Variants in CCDC33 observed in about 807,000 individuals in gnomAD.
CCDC33 encodes the protein coiled-coil domain-containing protein 33.
A neutral mutation model predicts 91.9 loss-of-function variants in CCDC33; 94 were observed. The ratio of observed to expected loss-of-function variants is 1.02; its 90% CI spans 0.87 to 1.21. The LOEUF is 1.21. Ranked by LOEUF, CCDC33 falls within the 50% of genes most tolerant of loss-of-function variation. The pLI is 0.00. For missense variants in CCDC33, 940 were observed against 935.5 expected (o/e 1.00, Z -0.06); for synonymous variants, 396 against 374.5 (o/e 1.06, Z -0.66).
intron 1 of CCDC33, among the ~76,000 whole-genome samples, chr15:74,204,320 G>C (rs185459618): frequency 6.6e-6 from 1 of 152,346 alleles, no homozygotes; most frequent in African/African-American, 2.4e-5. Flanking sequence ...CTGGCCCTTG[G>C]GTAAGAGGGA....
At chr15:74,228,082 A>G (rs2074856550) in intron 2 of CCDC33, among the ~76,000 whole-genome samples, 1 of 152,158 alleles carries the variant, frequency 6.6e-6, no homozygotes, top group Non-Finnish European at 1.5e-5. Context: ...CCCTGATTCT[A>G]TGCCAGGCCT....
At chr15:74,254,092 G>A (rs572498859) in intron 2 of CCDC33, among the ~76,000 whole-genome samples, 72 of 152,102 alleles carry the variant, frequency 4.7e-4, no homozygotes, top group African/African-American at 1.6e-3. Context: ...GAGTGCAGTG[G>A]TGTGATCTCA....
chr15:74,227,039 T>G (rs949296080), intron 2 of CCDC33, among the ~76,000 whole-genome samples: 1 of 152,124 alleles, frequency 6.6e-6, no homozygotes, highest in Non-Finnish European at 1.5e-5. Flanking sequence ...GAGGCTGCTC[T>G]GGGCCAGGCT....
intron 1 of CCDC33, chr15:74,209,110 A>G: frequency 7.6e-7 from 1 of 1,312,970 alleles, no homozygotes; most frequent in Non-Finnish European, 9.7e-7. Flanking sequence ...CCCGCCCTTG[A>G]TTCCGGGATC....
At chr15:74,243,814 A>T (rs2075424767) in intron 1 of CCDC33, 171 bp from the exon 2 acceptor site, 4 of 722,486 alleles carry the variant, frequency 5.5e-6, no homozygotes, top group Non-Finnish European at 9.6e-6. Context: ...ATGTGGTGGC[A>T]CATGCCTGTA....
intron 2 of CCDC33, among the ~76,000 whole-genome samples, chr15:74,225,381 G>A (rs1480732617): frequency 6.6e-6 from 1 of 151,984 alleles, no homozygotes; most frequent in East Asian, 1.9e-4. Context: ...CCCATGGAAA[G>A]CGGATGTGCC....
At position 74,230,011 on chromosome 15, in the gene CCDC33, T is replaced by G. The variant is rs1364124751; in HGVS notation, c.675+11150T>G. 2.6e-5 allele frequency among the ~76,000 whole-genome samples: 4 copies of G among 152,358 alleles called. No individual in the cohort carries two copies. The South Asian group carries it at 8.3e-4, about 32-fold the overall frequency. ...ACAATTCAATTGTGTCTTGAATTAT[T>G]CAGGCTGGCTGGGGAAGAGGGATGG... On this transcript the variant is annotated intron_variant, in intron 2 of 2. Transcript: ENST00000635913.
In CCDC33 at chr15:74,272,796, G is replaced by T. The variant is rs1308133167; in HGVS notation, c.664G>T (p.Ala222Ser). The change falls in exon 7 of 19, where the codon GCC (alanine) becomes TCC (serine). Residue 222 changes from alanine to serine, a missense_variant. Ala to Ser is a moderately conservative substitution (Grantham distance 99). Coordinates refer to ENST00000398814, the MANE Select transcript of CCDC33 (RefSeq NM_025055.5). Reference sequence around the variant, plus strand: ...GGTCAGCCAGGCTAACAGGGACCTGGCCTCTGTGGGGCTGCCCATCACCCC... The same window carrying T: ...GGTCAGCCAGGCTAACAGGGACCTGTCCTCTGTGGGGCTGCCCATCACCCC... The part of the protein sequence containing the change: ...FKVSQANRDL[A>S]SVGLPITPLS... The T allele has an allele frequency of 6.2e-7, 1 of 1,614,030 alleles. No homozygotes were observed. Among genetic ancestry groups the T allele is most frequent in the Non-Finnish European group, 8.5e-7 (1 of 1,180,030 alleles).
At chr15:74,270,173 G>A (rs1488585367) in intron 5 of CCDC33, among the ~76,000 whole-genome samples, 1 of 152,220 alleles carries the variant, frequency 6.6e-6, no homozygotes, top group South Asian at 2.1e-4. Flanking sequence ...TCACACCTGT[G>A]TGGGGTTAGA....
intron 7 of CCDC33, among the ~76,000 whole-genome samples, chr15:74,273,342 A>G (rs2076370884): frequency 6.6e-6 from 1 of 152,238 alleles, no homozygotes; most frequent in East Asian, 1.9e-4. Context: ...AGTGATGAAA[A>G]GTCCTGGAAA....
chr15:74,209,552 G>A (rs1567204697), intron 2 of CCDC33: 1 of 1,030,752 alleles, frequency 9.7e-7, no homozygotes, highest in Non-Finnish European at 1.4e-6. Context: ...CTATTCCCAG[G>A]GGAAGTGAAA....
intron 2 of CCDC33, among the ~76,000 whole-genome samples, chr15:74,260,722 G>A (rs1032298373): frequency 5.3e-5 from 8 of 152,142 alleles, no homozygotes; most frequent in Non-Finnish European, 8.8e-5. Flanking sequence ...ACCTTGGCCC[G>A]AGCAGCCAGA....
intron 17 of CCDC33, 58 bp downstream of exon 17, chr15:74,334,025 C>G (rs553319017): frequency 1.3e-5 from 19 of 1,439,344 alleles, no homozygotes; most frequent in Non-Finnish European, 1.8e-5. Context: ...AGCCTATAAC[C>G]AGGGCTCAGT....
chr15:74,323,284 C>A (rs770427264), intron 11 of CCDC33, among the ~76,000 whole-genome samples: 5 of 152,048 alleles, frequency 3.3e-5, no homozygotes, highest in African/African-American at 4.8e-5. Context: ...TTCCAAAATT[C>A]TTTTAAATTG....
chr15:74,212,955 C>G (rs1452839424), upstream of CCDC33: 1 of 152,190 alleles, frequency 6.6e-6, no homozygotes, highest in Admixed American at 6.5e-5. Context: ...TGGCTCACAC[C>G]TATAATCCCA....
intron 10 of CCDC33, among the ~76,000 whole-genome samples, chr15:74,288,745 C>T (rs1267268773): frequency 1.3e-5 from 2 of 152,204 alleles, no homozygotes; most frequent in Non-Finnish European, 2.9e-5. Flanking sequence ...CATCTGTACC[C>T]CCAACCCCAA....
chr15:74,329,199 AT>A (rs1207066341), intron 11 of CCDC33, among the ~76,000 whole-genome samples: 1 of 151,852 alleles, frequency 6.6e-6, no homozygotes, highest in African/African-American at 2.4e-5. Context: ...GGCAGGCATG[AT>A]TTTTTCTCTC....
intron 7 of CCDC33, among the ~76,000 whole-genome samples, chr15:74,275,139 G>T (rs1049837255): frequency 6.6e-6 from 1 of 152,244 alleles, no homozygotes; most frequent in African/African-American, 2.4e-5. Flanking sequence ...TTTAGGGCCT[G>T]CCCTCTCTGA....
Position 74,281,848 on chromosome 15 carries a change from A to AGGAG in CCDC33, c.1095+1_1095+2insAGGG. On this transcript the variant is annotated frameshift_variant and splice_region_variant, in exon 10 of 19. Coordinates refer to ENST00000398814, the MANE Select transcript of CCDC33 (RefSeq NM_025055.5). LOFTEE classifies it high-confidence loss of function. ...CTCTCCTTCCAGCTGCTTTCCTCTG[A>AGGAG]GGTAAGGCTGTGGGCCAGGGGAGGG... is the stretch of plus-strand genomic sequence containing the variant. The AGGAG allele has an allele frequency of 6.2e-7, 1 of 1,613,752 alleles. No individual in the cohort carries two copies. Among genetic ancestry groups the AGGAG allele is most frequent in the South Asian group, 1.1e-5 (1 of 91,044 alleles).
Sources: gnomAD v4.1 joint callset for allele counts (sites outside exome capture counted in the v4.1 genomes callset) on GRCh38, gnomAD v4.1.1 for gene constraint, MANE v1.5 for transcripts, NCBI Gene and HGNC (gene_info 2026-07-23, HGNC 2026-07-21) for gene names.